BCL2L14: variants seen among roughly 807,000 people sequenced by gnomAD.
BCL2L14 encodes the protein apoptosis facilitator Bcl-2-like protein 14.
In BCL2L14, 27 loss-of-function variants were observed where a neutral mutation model predicts 35.3. The ratio of observed to expected loss-of-function variants is 0.76; its 90% confidence interval spans 0.56 to 1.05. The LOEUF is 1.05. Among genes scored for constraint, BCL2L14 ranks in the 50% least tolerant of loss-of-function variants. BCL2L14 has a pLI of 0.00. For missense variants in BCL2L14, 377 were observed against 382.6 expected (o/e 0.99, Z 0.12); for synonymous variants, 139 against 145.9 (o/e 0.95, Z 0.34).
chr12:12,064,334 C>A (rs1948568783), intron 2 of BCL2L14, among the ~76,000 whole-genome samples: 1 of 151,452 alleles, frequency 6.6e-6, no homozygotes, highest in Non-Finnish European at 1.5e-5. Context: ...AGAGATGGGG[C>A]CTCACTATGT....
intron 2 of BCL2L14, among the ~76,000 whole-genome samples, chr12:12,065,450 C>T (rs951497507): frequency 6.6e-6 from 1 of 151,276 alleles, no homozygotes; most frequent in African/African-American, 2.4e-5. Context: ...GCAGGAGAAT[C>T]GCTTGAACCG....
intron 5 of BCL2L14, 118 bp from the exon 6 acceptor site, chr12:12,098,832 T>G (rs921424938): frequency 1.3e-6 from 1 of 757,468 alleles, no homozygotes; most frequent in African/African-American, 1.7e-5. Flanking sequence ...TCCCCCAAAC[T>G]AACATGGTCT....
rs1450736185 is a variant in BCL2L14, at chr12:12,076,120, AAAATGCATGGGGGAGGGTGGGATGCCCG to A, written c.-7-3178_-7-3151del. Reference sequence around the variant, plus strand: ...GATGAGGGGAGGGTGGGATGCCCGGAAAATGCATGGGGGAGGGTGGGATGCCCGGAAAATGCATGGGGGAGGGTGGGAT... The same window carrying A: ...GATGAGGGGAGGGTGGGATGCCCGGAGAAAATGCATGGGGGAGGGTGGGAT... On this transcript the variant is annotated intron_variant, in intron 1 of 5. Transcript: ENST00000308721. 1.1e-3 allele frequency among the ~76,000 whole-genome samples: 139 copies of A among 126,824 alleles called. 1 individual carries two copies. Among genetic ancestry groups the A allele is most frequent in the African/African-American group, 4.0e-3 (129 of 32,332 alleles). The allele number at this position is 126,824 out of a possible 152,430, so 83.2% of individuals were successfully genotyped here.
At chr12:12,090,695 G>A in intron 3 of BCL2L14, 84 bp from the exon 4 acceptor site, 1 of 1,027,418 alleles carries the variant, frequency 9.7e-7, no homozygotes, top group Non-Finnish European at 1.5e-6. Context: ...CCCTTACCAA[G>A]CCACAAGCAT....
chr12:12,096,865 C>T (rs1313146127), intron 5 of BCL2L14, among the ~76,000 whole-genome samples: 3 of 152,196 alleles, frequency 2.0e-5, no homozygotes, highest in African/African-American at 7.2e-5. Context: ...TTCCAGGGGC[C>T]GGGCGCAGTG....
intron 1 of BCL2L14, among the ~76,000 whole-genome samples, chr12:12,078,882 C>T (rs539053071): frequency 3.3e-5 from 5 of 152,332 alleles, no homozygotes; most frequent in African/African-American, 9.6e-5. Flanking sequence ...CTACAACCCC[C>T]GACTCCTGGG....
At chr12:12,097,493 T>C (rs1353867417) in intron 5 of BCL2L14, among the ~76,000 whole-genome samples, 1 of 152,206 alleles carries the variant, frequency 6.6e-6, no homozygotes, top group East Asian at 1.9e-4. Flanking sequence ...GGCAAATGTA[T>C]AGATACAGAA....
intron 2 of BCL2L14, among the ~76,000 whole-genome samples, chr12:12,058,035 C>G (rs547491867): frequency 1.5e-3 from 233 of 151,438 alleles, no homozygotes; most frequent in African/African-American, 5.5e-3. Flanking sequence ...GCAACCTCCC[C>G]CTCCTGTGTT....
intron 1 of BCL2L14, chr12:12,072,160 G>A (rs975135334): frequency 6.6e-6 from 1 of 152,276 alleles, no homozygotes; most frequent in African/African-American, 2.4e-5. Flanking sequence ...ACTGGGTGGT[G>A]GCCGCCTCTG....
chr12:12,063,485 A>G (rs2618368), intron 2 of BCL2L14, among the ~76,000 whole-genome samples: 121,392 of 147,424 alleles, frequency 0.82, 50,107 homozygotes, highest in East Asian at 0.92. Context: ...CAGCCCCACA[A>G]TATCACCCCT....
At chr12:12,074,234 T>G (rs920428530) in intron 1 of BCL2L14, among the ~76,000 whole-genome samples, 4 of 152,142 alleles carry the variant, frequency 2.6e-5, no homozygotes, top group Admixed American at 6.5e-5. Flanking sequence ...TAATCATTCA[T>G]TCAGTCAGTC....
At chr12:12,078,924 G>T (rs1948844359) in intron 1 of BCL2L14, among the ~76,000 whole-genome samples, 1 of 152,214 alleles carries the variant, frequency 6.6e-6, no homozygotes, top group South Asian at 2.1e-4. Flanking sequence ...AGCCTCCCAA[G>T]TAGCCGGGTC....
At chr12:12,091,375 G>A (rs552204298) in intron 4 of BCL2L14, among the ~76,000 whole-genome samples, 112 of 152,346 alleles carry the variant, frequency 7.4e-4, no homozygotes, top group Non-Finnish European at 1.2e-3. Context: ...CCATTTGGAA[G>A]TTGAGACCCA....
chr12:12,066,803 C>T (rs1000453340), upstream of BCL2L14, among the ~76,000 whole-genome samples: 38 of 151,634 alleles, frequency 2.5e-4, no homozygotes, highest in Non-Finnish European at 4.1e-4. Context: ...CTCCGCCTCC[C>T]GGGTTCACGC....
At chr12:12,075,508 C>T (rs1948762929) in intron 1 of BCL2L14, among the ~76,000 whole-genome samples, 1 of 151,938 alleles carries the variant, frequency 6.6e-6, no homozygotes, top group Non-Finnish European at 1.5e-5. Flanking sequence ...TCACTGCAAC[C>T]TCCGCCTCCT....
intron 4 of BCL2L14, among the ~76,000 whole-genome samples, chr12:12,094,079 C>T (rs1010622722): frequency 1.3e-5 from 2 of 149,336 alleles, no homozygotes; most frequent in Non-Finnish European, 3.0e-5. Context: ...TGCACTCCAG[C>T]CTGGGCAATG....
At chr12:12,058,900 C>T (rs1408150960) in intron 2 of BCL2L14, among the ~76,000 whole-genome samples, 1 of 152,174 alleles carries the variant, frequency 6.6e-6, no homozygotes, top group Non-Finnish European at 1.5e-5. Context: ...ACCAAGCAGC[C>T]CAAGAAACAT....
At chr12:12,094,992 T>A (rs899396849) in intron 5 of BCL2L14, 62 bp downstream of exon 5, 2 of 1,540,940 alleles carry the variant, frequency 1.3e-6, no homozygotes, top group African/African-American at 2.8e-5. Context: ...GATGGATTTT[T>A]TTTTTTTTTT....
chr12:12,095,533 A>T (rs768548040), intron 5 of BCL2L14: 4 of 985,378 alleles, frequency 4.1e-6, no homozygotes, highest in Non-Finnish European at 4.8e-6. Flanking sequence ...CCAGTTCCTC[A>T]GGTCTCCTTA....
Sources: allele counts gnomAD v4.1 joint callset (sites outside exome capture counted in the v4.1 genomes callset), GRCh38; gene constraint gnomAD v4.1.1; transcripts MANE v1.5; gene names NCBI Gene and HGNC (gene_info 2026-07-23, HGNC 2026-07-21).